Variants in VPS13C observed in about 807,000 individuals in gnomAD.
The protein encoded by VPS13C is intermembrane lipid transfer protein VPS13C.
In VPS13C, 358 loss-of-function variants were observed where a neutral mutation model predicts 456.8. That is an observed-to-expected ratio of 0.78 (90% CI 0.72 to 0.86). The LOEUF (loss-of-function observed/expected upper bound fraction) is 0.86, where lower values mean the gene tolerates loss of function less well. Ranked by LOEUF, VPS13C falls within the 40% of genes least tolerant of loss-of-function variation. The pLI, the probability that VPS13C is intolerant of heterozygous loss-of-function variation, is 0.00. For synonymous variants in VPS13C, 1,578 were observed against 1,486.7 expected, an observed-to-expected ratio of 1.06 and a Z score of -1.41; for missense variants, 4,818 against 4,385.4, an observed-to-expected ratio of 1.10 and a Z score of -2.79.
intron 37 of VPS13C, among the ~76,000 whole-genome samples, chr15:61,957,321 C>G (rs756586545): frequency 1.3e-5 from 2 of 151,994 alleles, no homozygotes; most frequent in African/African-American, 2.4e-5. Context: ...GTGTTGGGTA[C>G]TGACTGAGAA....
chr15:61,984,588 T>A (rs972052122), intron 19 of VPS13C, among the ~76,000 whole-genome samples: 1 of 152,224 alleles, frequency 6.6e-6, no homozygotes, highest in Non-Finnish European at 1.5e-5. Flanking sequence ...CTTACTGTAC[T>A]TGTCCACAGC....
Position 62,008,710 on chromosome 15 carries a change from C to T in VPS13C, c.1063G>A (p.Ala355Thr). Residue 355 changes from alanine (A) to threonine (T), a missense_variant, in exon 14 of 85, where the codon GCG (alanine) becomes ACG (threonine). Transcript: ENST00000644861. ...TAAGGCTTGTATTTCCTATAAGGCG[C>T]ATTCCTAACCATATAATCCACTGAC... The part of the protein sequence containing the change: ...LESVDYMVRN[A>T]PYRKYKPYLP... The T allele has an allele frequency of 6.2e-7, 1 of 1,608,116 alleles. No homozygotes were observed. The highest frequency in any genetic ancestry group is 8.5e-7 in the Non-Finnish European group (1 of 1,176,960).
chr15:62,000,081 G>C (rs949527820), intron 16 of VPS13C, among the ~76,000 whole-genome samples: 1 of 152,030 alleles, frequency 6.6e-6, no homozygotes, highest in Non-Finnish European at 1.5e-5. Flanking sequence ...TTTCTAAGTG[G>C]CCAGGCGCAG....
At chr15:62,013,621 T>C (rs2047122988) in intron 10 of VPS13C, among the ~76,000 whole-genome samples, 1 of 152,080 alleles carries the variant, frequency 6.6e-6, no homozygotes, top group African/African-American at 2.4e-5. Flanking sequence ...TATAGCTTAG[T>C]ACTTTAATCA....
intron 67 of VPS13C, among the ~76,000 whole-genome samples, chr15:61,887,620 G>A (rs1254122462): frequency 1.3e-5 from 2 of 152,150 alleles, no homozygotes; most frequent in African/African-American, 2.4e-5. Context: ...GAGCATAGTT[G>A]GCAGAGGTTG....
rs991932275 is a variant in VPS13C at position 61,854,373 on chromosome 15, G to A, written c.*84C>T. On this transcript the variant is annotated 3_prime_UTR_variant, in exon 85 of 85. Coordinates refer to ENST00000644861, the MANE Select transcript of VPS13C (RefSeq NM_020821.3). The stretch of plus-strand genomic sequence containing the variant: ...AAACTAAAGGATTGCTTGAAAAATT[G>A]TCTTTAGCAAGATAAAGCAGAGTGA... The A allele has an allele frequency of 8.0e-7, 1 of 1,254,742 alleles. No homozygotes were observed. Among genetic ancestry groups the A allele is most frequent in the African/African-American group, 1.5e-5 (1 of 67,628 alleles). 77.7% of individuals were successfully genotyped at this position (1,254,742 alleles called of 1,614,324 possible). A position where few individuals can be genotyped will look rare whatever the true frequency, so the allele number is the denominator to read the frequency against.
intron 10 of VPS13C, 141 bp downstream of exon 10, chr15:62,013,792 T>C (rs914171726): frequency 1.4e-5 from 8 of 563,772 alleles, no homozygotes; most frequent in African/African-American, 7.5e-5. Context: ...GAGGGTCACA[T>C]AGTAAGTAGC....
chr15:62,021,504 C>A (rs1415441799), intron 8 of VPS13C, among the ~76,000 whole-genome samples: 1 of 151,712 alleles, frequency 6.6e-6, no homozygotes, highest in Non-Finnish European at 1.5e-5. Context: ...TAAACTATAC[C>A]ACAGTGTGCA....
chr15:61,891,483 A>C (rs796684406), intron 66 of VPS13C, among the ~76,000 whole-genome samples: 8 of 152,346 alleles, frequency 5.3e-5, no homozygotes, highest in African/African-American at 1.9e-4. Context: ...ATACCTATTA[A>C]GAAGGTGAAT....
At chr15:61,900,741 C>G (rs1185824853) in intron 66 of VPS13C, among the ~76,000 whole-genome samples, 2 of 151,340 alleles carry the variant, frequency 1.3e-5, no homozygotes, top group Non-Finnish European at 2.9e-5. Context: ...CCTTTCTTCA[C>G]AGAATTGGAA....
intron 80 of VPS13C, among the ~76,000 whole-genome samples, chr15:61,869,115 T>TC (rs1894810382): frequency 9.2e-6 from 1 of 108,762 alleles, no homozygotes. Flanking sequence ...TTTTCTTTTT[T>TC]CTTTTTTTTT....
intron 64 of VPS13C, 117 bp downstream of exon 64, chr15:61,910,060 G>A: frequency 6.6e-6 from 3 of 457,666 alleles, no homozygotes; most frequent in Non-Finnish European, 8.8e-6. Flanking sequence ...ACACCAACAT[G>A]GCACATGTAT....
rs2044038907 is a variant in VPS13C, at chr15:61,931,085, C to G, written c.6038+5G>C. The G allele has an allele frequency of 6.2e-7, 1 of 1,613,924 alleles. No individual in the cohort carries two copies. Among genetic ancestry groups the G allele is most frequent in the African/African-American group, 1.3e-5 (1 of 75,046 alleles). Reference sequence around the variant, plus strand: ...TAATGTATTGCAAACTCAGAGCTGACAAACCTCGATGTTGCTCTCTCAATT... The same window carrying G: ...TAATGTATTGCAAACTCAGAGCTGAGAAACCTCGATGTTGCTCTCTCAATT... On this transcript the variant is annotated splice_donor_5th_base_variant and intron_variant, in intron 50 of 84. Transcript: ENST00000644861.
At chr15:61,892,500 C>G (rs932812903) in intron 66 of VPS13C, among the ~76,000 whole-genome samples, 8 of 152,134 alleles carry the variant, frequency 5.3e-5, no homozygotes, top group African/African-American at 1.9e-4. Context: ...TGCAAAGGAC[C>G]TCTAAGCAAA....
chr15:61,856,510 G>A, intron 82 of VPS13C, 101 bp from the exon 83 acceptor site: 1 of 1,383,554 alleles, frequency 7.2e-7, no homozygotes. Flanking sequence ...CACTTGCTTA[G>A]TAAACAATAT....
intron 63 of VPS13C, 70 bp downstream of exon 63, chr15:61,911,770 C>T: frequency 1.5e-6 from 2 of 1,365,018 alleles, no homozygotes; most frequent in Non-Finnish European, 1.9e-6. Flanking sequence ...GAGGTATATA[C>T]AATTCTTATT....
chr15:62,024,651 A>T (rs1414111547), intron 6 of VPS13C, among the ~76,000 whole-genome samples: 1 of 152,008 alleles, frequency 6.6e-6, no homozygotes, highest in African/African-American at 2.4e-5. Flanking sequence ...ACATCCTGTT[A>T]ATCTCTTGCT....
At chr15:62,039,544 C>G (rs1040134415) in intron 3 of VPS13C, among the ~76,000 whole-genome samples, 1 of 151,880 alleles carries the variant, frequency 6.6e-6, no homozygotes, top group South Asian at 2.1e-4. Flanking sequence ...TAAAAATGAG[C>G]AAAAGATCTG....
intron 53 of VPS13C, among the ~76,000 whole-genome samples, chr15:61,924,602 GT>G (rs2043783370): frequency 6.6e-6 from 1 of 152,084 alleles, no homozygotes; most frequent in African/African-American, 2.4e-5. Context: ...AATTCGAGGA[GT>G]TTTTCCCTCA....
Sources: gnomAD v4.1 joint callset for allele counts (sites outside exome capture counted in the v4.1 genomes callset) on GRCh38, gnomAD v4.1.1 for gene constraint, MANE v1.5 for transcripts, NCBI Gene and HGNC (gene_info 2026-07-23, HGNC 2026-07-21) for gene names.